Variants in PCDHA8 observed in about 807,000 individuals in gnomAD.
The protein encoded by PCDHA8 is protocadherin alpha-8.
A neutral mutation model predicts 61.8 loss-of-function variants in PCDHA8; 53 were observed. That is an observed-to-expected ratio of 0.86 (90% CI 0.69 to 1.08). The LOEUF (loss-of-function observed/expected upper bound fraction) is 1.08. PCDHA8 is among the 50% of genes least tolerant of loss of function. The pLI is 0.00. For synonymous variants in PCDHA8, 618 were observed against 556.6 expected (o/e 1.11, Z -1.55); for missense variants, 1,293 against 1,245.0 (o/e 1.04, Z -0.58).
intron 1 of PCDHA8, chr5:140,967,436 C>A (rs781894469): frequency 1.2e-6 from 2 of 1,613,378 alleles, no homozygotes; most frequent in Non-Finnish European, 8.5e-7. Flanking sequence ...AGCCTTGCAC[C>A]ACCTGGTTCT....
At chr5:140,927,436 T>A (rs776039540) in intron 1 of PCDHA8, 1 of 1,614,132 alleles carries the variant, frequency 6.2e-7, no homozygotes, top group Non-Finnish European at 8.5e-7. Context: ...CGGCAGCGAA[T>A]ACCCGGAGTT....
At chr5:140,925,641 T>TATAATA (rs10569930) in intron 1 of PCDHA8, among the ~76,000 whole-genome samples, 37,208 of 143,074 alleles carry the variant, frequency 0.26, 4,933 homozygotes, top group Middle Eastern at 0.29. Context: ...GAACTTAAAG[T>TATAATA]ATAATAATAA....
rs1281739668 is a variant in PCDHA8, at chr5:140,966,815, C to T, written c.2395-12134C>T. On this transcript the variant is annotated intron_variant, in intron 1 of 3. Transcript: ENST00000531613. The stretch of plus-strand genomic sequence containing the variant: ...TGCGGCGACAGAGCATCCACGGCTC[C>T]GGCGGCCCATGCCCTGGCTGCTGCT... 1.9e-6 allele frequency: 3 copies of T among 1,552,884 alleles called. No individual in the cohort carries two copies. The highest frequency in any genetic ancestry group is 1.7e-6 in the Non-Finnish European group (2 of 1,153,182).
At chr5:140,976,787 C>T (rs1460336492) in intron 1 of PCDHA8, among the ~76,000 whole-genome samples, 3 of 152,150 alleles carry the variant, frequency 2.0e-5, no homozygotes, top group Admixed American at 6.5e-5. Flanking sequence ...TATATAGCTA[C>T]GCTTTTATGA....
intron 1 of PCDHA8, chr5:140,851,142 C>T: frequency 7.6e-7 from 1 of 1,309,246 alleles, no homozygotes; most frequent in Non-Finnish European, 9.9e-7. Flanking sequence ...ATTAAAGTGA[C>T]ATTGAATTTC....
At chr5:140,926,772 G>A in intron 1 of PCDHA8, 1 of 1,380,738 alleles carries the variant, frequency 7.2e-7, no homozygotes, top group Non-Finnish European at 9.4e-7. Context: ...CCAGCCCGCA[G>A]CAGTGACGGC....
intron 1 of PCDHA8, chr5:140,849,834 G>A: frequency 6.3e-7 from 1 of 1,598,606 alleles, no homozygotes; most frequent in Admixed American, 1.7e-5. Context: ...GGAGGTGGCC[G>A]ACGTGAACGA....
intron 1 of PCDHA8, chr5:140,850,587 G>C: frequency 1.3e-6 from 2 of 1,598,490 alleles, no homozygotes; most frequent in Non-Finnish European, 1.7e-6. Flanking sequence ...GGATGTCAAC[G>C]TGTACCTGAT....
intron 1 of PCDHA8, among the ~76,000 whole-genome samples, chr5:140,965,342 G>T (rs2095891598): frequency 6.6e-6 from 1 of 152,130 alleles, no homozygotes; most frequent in South Asian, 2.1e-4. Context: ...TTGTCTCTGT[G>T]TTGCCTCTAT....
chr5:140,847,561 C>T (rs2150401906), intron 1 of PCDHA8: 1 of 148,992 alleles, frequency 6.7e-6, no homozygotes, highest in Non-Finnish European at 1.5e-5. Flanking sequence ...CAGAAATTGC[C>T]CCGAGTACTA....
chr5:140,890,045 T>C (rs1192229071), intron 1 of PCDHA8, among the ~76,000 whole-genome samples: 1 of 152,206 alleles, frequency 6.6e-6, no homozygotes, highest in African/African-American at 2.4e-5. Context: ...TGTAGTGTGT[T>C]GGAGCTGGCT....
intron 1 of PCDHA8, among the ~76,000 whole-genome samples, chr5:140,947,982 T>C (rs1178353293): frequency 1.3e-5 from 2 of 148,572 alleles, no homozygotes; most frequent in Admixed American, 1.3e-4. Flanking sequence ...CTCATAGGTT[T>C]TTCCCAAATA....
chr5:140,952,378 A>G (rs1282372403), intron 1 of PCDHA8, among the ~76,000 whole-genome samples: 1 of 151,376 alleles, frequency 6.6e-6, no homozygotes, highest in Non-Finnish European at 1.5e-5. Flanking sequence ...TTCCTCTGCC[A>G]GGTACCCTAA....
chr5:140,967,841 A>G, intron 1 of PCDHA8: 1 of 1,614,114 alleles, frequency 6.2e-7, no homozygotes, highest in Non-Finnish European at 8.5e-7. Flanking sequence ...CGTGGACGTG[A>G]ATGACAATGC....
chr5:140,879,402 T>C (rs571790), intron 1 of PCDHA8, among the ~76,000 whole-genome samples: 2,265 of 152,304 alleles, frequency 0.015, 52 homozygotes, highest in African/African-American at 0.052. Context: ...TTTGTGTGTA[T>C]TTGAGCAGGT....
At chr5:140,905,950 T>C (rs2072233262) in intron 1 of PCDHA8, among the ~76,000 whole-genome samples, 1 of 152,206 alleles carries the variant, frequency 6.6e-6, no homozygotes, top group Non-Finnish European at 1.5e-5. Flanking sequence ...TGGAATCCGA[T>C]GTTCAAGGGG....
At chr5:140,847,826 A>C (rs914616937) in intron 1 of PCDHA8, 1 of 149,784 alleles carries the variant, frequency 6.7e-6, no homozygotes, top group Non-Finnish European at 1.5e-5. Context: ...TACTCAAGAA[A>C]ACTACCTCAG....
At position 140,842,662 on chromosome 5, in the gene PCDHA8, C is replaced by A; in HGVS notation, c.1341C>A (p.Asp447Glu). The A allele has an allele frequency of 6.3e-7, 1 of 1,595,426 alleles. No individual in the cohort carries two copies. Among genetic ancestry groups the A allele is most frequent in the East Asian group, 2.2e-5 (1 of 44,810 alleles). Residue 447 changes from aspartate (D) to glutamate (E), a missense_variant, in exon 1 of 4, where the codon GAC becomes GAA. Physicochemically the swap from Asp to Glu is conservative, Grantham distance 45. Coordinates refer to ENST00000531613, the MANE Select transcript of PCDHA8 (RefSeq NM_018911.3). ...CCAGCTTGTCTGTGGAGGTGGCCGACGTGAACGACAATGCTCCGGCGTTCG... is the reference window on the plus strand; with the variant it reads ...CCAGCTTGTCTGTGGAGGTGGCCGAAGTGAACGACAATGCTCCGGCGTTCG... Reference protein sequence around the residue: ...ATASLSVEVADVNDNAPAFAQ... With the variant: ...ATASLSVEVAEVNDNAPAFAQ...
chr5:140,969,125 C>T (rs2096298194), intron 1 of PCDHA8: 3 of 1,614,152 alleles, frequency 1.9e-6, no homozygotes, highest in East Asian at 2.2e-5. Flanking sequence ...GAATGGCTCC[C>T]TCACCAAGAC....
Sources: gnomAD v4.1 joint callset for allele counts (sites outside exome capture counted in the v4.1 genomes callset) on GRCh38, gnomAD v4.1.1 for gene constraint, MANE v1.5 for transcripts, NCBI Gene and HGNC (gene_info 2026-07-23, HGNC 2026-07-21) for gene names.